FBN2: variants seen among roughly 807,000 people sequenced by gnomAD.
FBN2 encodes fibrillin 2.
In FBN2, 105 loss-of-function variants were observed where a neutral mutation model predicts 355.6. That is an observed-to-expected ratio of 0.30 (90% CI 0.25 to 0.35). The LOEUF (loss-of-function observed/expected upper bound fraction) is 0.35. Among genes scored for constraint, FBN2 ranks in the 10% least tolerant of loss-of-function variants. The pLI, the probability that FBN2 is intolerant of heterozygous loss-of-function variation, is 1.00. For synonymous variants in FBN2, 1,350 were observed against 1,301.2 expected (o/e 1.04, Z -0.81); for missense variants, 3,280 against 3,758.7 (o/e 0.87, Z 3.33).
At chr5:128,387,931 T>G (rs922826032) in intron 11 of FBN2, among the ~76,000 whole-genome samples, 1 of 152,172 alleles carries the variant, frequency 6.6e-6, no homozygotes, top group African/African-American at 2.4e-5. Context: ...TGTCTAATAC[T>G]GTCAGTGGGG....
At chr5:128,361,571 A>C (rs750486710) in intron 19 of FBN2, 152 bp downstream of exon 19, 26 of 959,574 alleles carry the variant, frequency 2.7e-5, no homozygotes, top group African/African-American at 4.9e-5. Context: ...GGTCCTTACT[A>C]TTTCAAAAAC....
chr5:128,262,815 C>T (rs1038558059), intron 63 of FBN2, among the ~76,000 whole-genome samples: 1 of 152,198 alleles, frequency 6.6e-6, no homozygotes, highest in Non-Finnish European at 1.5e-5. Flanking sequence ...CTGAGCACCA[C>T]GGCCTTCCTG....
intron 48 of FBN2, among the ~76,000 whole-genome samples, chr5:128,294,222 T>A (rs1749428295): frequency 6.6e-6 from 1 of 152,048 alleles, no homozygotes; most frequent in African/African-American, 2.4e-5. Flanking sequence ...CACATTTTCT[T>A]AATCCAGTCT....
At chr5:128,302,514 G>A (rs115852348) in intron 46 of FBN2, among the ~76,000 whole-genome samples, 4,311 of 152,256 alleles carry the variant, frequency 0.028, 88 homozygotes, top group Non-Finnish European at 0.043. Flanking sequence ...GTGGGGAAAG[G>A]CATTCTGGCT....
chr5:128,301,362 CTTA>C lies in FBN2; in HGVS notation c.6046+17_6046+19del. ...ACAAAACATAACACCACAAAGACTG[CTTA>C]TTATTTAAATACTTACCTATACAGT... On this transcript the variant is annotated intron_variant, in intron 47 of 64. Transcript: ENST00000262464. 3.1e-6 allele frequency: 5 copies of C among 1,607,946 alleles called. No homozygotes were observed. The highest frequency in any genetic ancestry group is 4.3e-6 in the Non-Finnish European group (5 of 1,174,828).
chr5:128,287,612 C>T lies in FBN2; in HGVS notation c.6758-182G>A, dbSNP rs781646411. Among the ~76,000 whole-genome samples, 11 of 152,202 alleles carry T rather than the reference C, an allele frequency of 7.2e-5. No individual in the cohort carries two copies. In the South Asian group the frequency reaches 1.0e-3, roughly 14 times the overall value. Reference sequence around the variant, plus strand: ...CTTTAAAAATAACAGCTATAAACTCCGGAAAGAATATAAAAAGTACCTGAA... The same window carrying T: ...CTTTAAAAATAACAGCTATAAACTCTGGAAAGAATATAAAAAGTACCTGAA... On this transcript the variant is annotated intron_variant, in intron 53 of 64. Transcript: ENST00000262464.
At chr5:128,417,242 A>G (rs1262214685) in intron 7 of FBN2, among the ~76,000 whole-genome samples, 2 of 152,100 alleles carry the variant, frequency 1.3e-5, no homozygotes, top group African/African-American at 4.8e-5. Flanking sequence ...ATCAGATCTA[A>G]GAGGTTTTGG....
At chr5:128,463,214 A>G (rs1313284566) in intron 6 of FBN2, among the ~76,000 whole-genome samples, 1 of 152,112 alleles carries the variant, frequency 6.6e-6, no homozygotes, top group African/African-American at 2.4e-5. Flanking sequence ...AGCACAGTAA[A>G]GACAGATACA....
rs185861208 is a variant in FBN2, at chr5:128,406,532, C to A, written c.1078+2142G>T. On this transcript the variant is annotated intron_variant, in intron 8 of 64. Coordinates refer to ENST00000262464, the MANE Select transcript of FBN2 (RefSeq NM_001999.4). ...TATATCTGAATTGCTAGCATCAATA[C>A]TCTTGGGTTCAGGGGCCATGATGAA... Among the ~76,000 whole-genome samples the A allele has an allele frequency of 8.5e-5, 13 of 152,166 alleles. No individual in the cohort carries two copies. In the East Asian group the frequency reaches 2.3e-3, roughly 27 times the overall value.
intron 26 of FBN2, 93 bp downstream of exon 26, chr5:128,338,840 G>T: frequency 7.2e-7 from 1 of 1,388,792 alleles, no homozygotes; most frequent in Non-Finnish European, 1.0e-6. Context: ...CACACATGCC[G>T]TTCACAGCCC....
chr5:128,437,106 C>G (rs1753786025), intron 7 of FBN2, among the ~76,000 whole-genome samples: 1 of 152,128 alleles, frequency 6.6e-6, no homozygotes, highest in African/African-American at 2.4e-5. Context: ...TGGGAAAATC[C>G]AAATGACTCG....
At chr5:128,493,446 C>A (rs1260596609) in intron 5 of FBN2, among the ~76,000 whole-genome samples, 1 of 152,146 alleles carries the variant, frequency 6.6e-6, no homozygotes, top group Non-Finnish European at 1.5e-5. Flanking sequence ...GTGTTTCAGA[C>A]ACTGGGTAAG....
chr5:128,478,495 C>G (rs1448466211), intron 5 of FBN2, among the ~76,000 whole-genome samples: 2 of 152,104 alleles, frequency 1.3e-5, no homozygotes, highest in Admixed American at 6.6e-5. Context: ...GAAATAAAAT[C>G]CAGAAAGTTT....
chr5:128,370,472 G>A (rs955551314), intron 15 of FBN2, among the ~76,000 whole-genome samples: 31 of 152,116 alleles, frequency 2.0e-4, no homozygotes, highest in Non-Finnish European at 3.8e-4. Flanking sequence ...TAAATGGAAG[G>A]AGGCCATGGA....
intron 55 of FBN2, among the ~76,000 whole-genome samples, chr5:128,283,708 G>T (rs1469260003): frequency 1.3e-5 from 2 of 152,166 alleles, no homozygotes; most frequent in Non-Finnish European, 2.9e-5. Flanking sequence ...TATGTCTGCT[G>T]ACTTGATATT....
chr5:128,352,225 T>C (rs1751388344), intron 20 of FBN2, among the ~76,000 whole-genome samples: 1 of 152,168 alleles, frequency 6.6e-6, no homozygotes, highest in Non-Finnish European at 1.5e-5. Context: ...TGTGTATGTG[T>C]GTGTGTAGAT....
intron 7 of FBN2, among the ~76,000 whole-genome samples, chr5:128,436,590 A>C (rs964739315): frequency 1.3e-5 from 2 of 151,870 alleles, no homozygotes; most frequent in African/African-American, 4.8e-5. Context: ...GGTAACCCTA[A>C]GTGATGTCAT....
chr5:128,366,562 C>A, intron 16 of FBN2, 132 bp from the exon 17 acceptor site: 2 of 532,168 alleles, frequency 3.8e-6, no homozygotes, highest in Non-Finnish European at 6.8e-6. Flanking sequence ...AAAAAAATTA[C>A]CATTTTCTAG....
intron 6 of FBN2, among the ~76,000 whole-genome samples, chr5:128,447,122 G>T (rs74787788): frequency 6.6e-6 from 1 of 152,004 alleles, no homozygotes; most frequent in Non-Finnish European, 1.5e-5. Context: ...GATGTAGGTC[G>T]CCTCAGGACC....
Sources: allele counts gnomAD v4.1 joint callset (sites outside exome capture counted in the v4.1 genomes callset), GRCh38; gene constraint gnomAD v4.1.1; transcripts MANE v1.5; gene names NCBI Gene and HGNC (gene_info 2026-07-23, HGNC 2026-07-21).